GNG4: variants seen among roughly 807,000 people sequenced by gnomAD.
GNG4 encodes the protein guanine nucleotide-binding protein G(I)/G(S)/G(O) subunit gamma-4.
GNG4 carries 4 observed loss-of-function variants against 5.8 expected under a neutral mutation model. That is an observed-to-expected ratio of 0.69 (90% CI 0.34 to 1.57). GNG4 has a LOEUF of 1.57. GNG4 is among the 40% of genes most tolerant of loss of function. The pLI is 0.06. For synonymous variants in GNG4, 29 were observed against 32.9 expected (o/e 0.88, Z 0.41); for missense variants, 96 against 95.1 (o/e 1.01, Z -0.04).
At chr1:235,613,344 A>G (rs566877812) in intron 1 of GNG4, among the ~76,000 whole-genome samples, 2 of 152,306 alleles carry the variant, frequency 1.3e-5, no homozygotes, top group African/African-American at 4.8e-5. Context: ...TGGCTTCCCA[A>G]AGTTATCTGT....
At position 235,583,778 on chromosome 1, in the gene GNG4, C is replaced by A; in HGVS notation, c.61G>T (p.Glu21Ter). 1 of 1,613,766 alleles carries A rather than the reference C, an allele frequency of 6.2e-7. No individual in the cohort carries two copies. ...TSISQARKAV[E>*]QLKMEACMDR... is the part of the protein sequence containing the mutation. ...ATACAGGCTTCCATCTTTAGCTGCTCCACAGCTTTCCTGGCTTGGGAGATG... is the reference window on the plus strand; with the variant it reads ...ATACAGGCTTCCATCTTTAGCTGCTACACAGCTTTCCTGGCTTGGGAGATG... Residue 21 changes from glutamate (E) to a stop codon, truncating the protein, a stop_gained, in exon 3 of 4, where the codon GAG becomes TAG. Coordinates refer to ENST00000391854, the MANE Select transcript of GNG4 (RefSeq NM_001098722.2). LOFTEE classifies it high-confidence loss of function.
intron 1 of GNG4, among the ~76,000 whole-genome samples, chr1:235,601,112 C>T (rs1688248765): frequency 6.6e-6 from 1 of 152,222 alleles, no homozygotes; most frequent in South Asian, 2.1e-4. Flanking sequence ...TGCAGATGTA[C>T]TGATGGCTCC....
intron 2 of GNG4, among the ~76,000 whole-genome samples, chr1:235,586,773 G>A (rs1687768596): frequency 6.6e-6 from 1 of 152,168 alleles, no homozygotes; most frequent in African/African-American, 2.4e-5. Context: ...AGCTTCCTGA[G>A]GCCTCACCAG....
intron 1 of GNG4, among the ~76,000 whole-genome samples, chr1:235,632,851 G>A (rs1325328716): frequency 2.0e-5 from 3 of 152,160 alleles, no homozygotes; most frequent in African/African-American, 2.4e-5. Flanking sequence ...ACGTAGTCAC[G>A]TAGTTTTCAT....
chr1:235,567,519 A>G (rs1188975542), intron 3 of GNG4, among the ~76,000 whole-genome samples: 1 of 152,106 alleles, frequency 6.6e-6, no homozygotes, highest in Non-Finnish European at 1.5e-5. Context: ...TGTTTCTATG[A>G]ATTTGACTCC....
intron 1 of GNG4, among the ~76,000 whole-genome samples, chr1:235,643,428 AG>A (rs1322010310): frequency 6.6e-6 from 1 of 152,168 alleles, no homozygotes; most frequent in African/African-American, 2.4e-5. Context: ...GCACTAATCC[AG>A]GGTAGGTGGG....
At chr1:235,555,028 C>A (rs1417171867) in intron 3 of GNG4, among the ~76,000 whole-genome samples, 2 of 152,110 alleles carry the variant, frequency 1.3e-5, no homozygotes, top group African/African-American at 4.8e-5. Context: ...TTAGCTAATT[C>A]AGAGGATGCA....
chr1:235,619,441 G>A (rs1433030966), intron 1 of GNG4, among the ~76,000 whole-genome samples: 1 of 152,040 alleles, frequency 6.6e-6, no homozygotes, highest in African/African-American at 2.4e-5. Flanking sequence ...CTTCCTGGGA[G>A]ACATCTCTCA....
chr1:235,625,460 A>C (rs930582231), intron 1 of GNG4, among the ~76,000 whole-genome samples: 2 of 152,262 alleles, frequency 1.3e-5, no homozygotes. Flanking sequence ...CATAGTTTAC[A>C]ATAGGGCTCA....
At chr1:235,602,554 C>T (rs147200768) in intron 1 of GNG4, among the ~76,000 whole-genome samples, 14 of 152,282 alleles carry the variant, frequency 9.2e-5, no homozygotes, top group African/African-American at 1.7e-4. Context: ...TCTCACTAAC[C>T]GATACAGTAT....
chr1:235,619,109 C>T (rs1206117429), intron 1 of GNG4, among the ~76,000 whole-genome samples: 4 of 117,008 alleles, frequency 3.4e-5, no homozygotes, highest in African/African-American at 1.3e-4. Context: ...AGACCACCCT[C>T]GGCAACATTG....
chr1:235,574,120 C>T (rs1394607909), intron 3 of GNG4, among the ~76,000 whole-genome samples: 1 of 152,184 alleles, frequency 6.6e-6, no homozygotes, highest in Non-Finnish European at 1.5e-5. Context: ...TACCTAATCT[C>T]AGCACTTTGA....
chr1:235,616,301 A>T (rs1338449924), intron 1 of GNG4: 6 of 448,556 alleles, frequency 1.3e-5, no homozygotes, highest in Non-Finnish European at 2.6e-5. Context: ...GAAGGGCAGC[A>T]TCTCCATCCC....
In GNG4 at chr1:235,607,107, TTTTTTTTA is replaced by T; in HGVS notation, c.-122-11604_-122-11597del. Among the ~76,000 whole-genome samples the T allele has an allele frequency of 1.3e-5, 2 of 151,572 alleles. 1 individual carries two copies. Among genetic ancestry groups the T allele is most frequent in the Admixed American group, 1.3e-4 (2 of 15,194 alleles). ...GTGCGCACCACCACACCCAGCTAAT[TTTTTTTTA>T]TTTTTATTTTTAGTAGAAATGGGGT... On this transcript the variant is annotated intron_variant, in intron 1 of 3. Transcript: ENST00000391854.
chr1:235,579,260 T>C (rs1486913234), intron 3 of GNG4, among the ~76,000 whole-genome samples: 1 of 152,144 alleles, frequency 6.6e-6, no homozygotes, highest in East Asian at 1.9e-4. Flanking sequence ...AGAGAATACA[T>C]ACATTAAATG....
intron 1 of GNG4, among the ~76,000 whole-genome samples, chr1:235,635,500 G>T (rs567984743): frequency 1.1e-5 from 1 of 89,160 alleles, no homozygotes; most frequent in Admixed American, 1.1e-4. Flanking sequence ...CCATCTCGGC[G>T]GGGAAAAATG....
At chr1:235,570,945 C>CACACACAT (rs535079462) in intron 3 of GNG4, among the ~76,000 whole-genome samples, 40,278 of 114,452 alleles carry the variant, frequency 0.35, 8,048 homozygotes, top group East Asian at 0.7. Flanking sequence ...CACACACACA[C>CACACACAT]ATATATATAT....
chr1:235,626,072 T>C (rs1688802987), intron 1 of GNG4, among the ~76,000 whole-genome samples: 1 of 152,196 alleles, frequency 6.6e-6, no homozygotes, highest in African/African-American at 2.4e-5. Flanking sequence ...AGTGTCTGCT[T>C]CTGCAGATCC....
At chr1:235,557,483 G>GTTCT (rs1686948065) in intron 3 of GNG4, among the ~76,000 whole-genome samples, 1 of 151,968 alleles carries the variant, frequency 6.6e-6, no homozygotes, top group Admixed American at 6.6e-5. Flanking sequence ...GATGGACACA[G>GTTCT]CCACTGTGGT....
Sources: gnomAD v4.1 joint callset for allele counts (sites outside exome capture counted in the v4.1 genomes callset) on GRCh38, gnomAD v4.1.1 for gene constraint, MANE v1.5 for transcripts, NCBI Gene and HGNC (gene_info 2026-07-23, HGNC 2026-07-21) for gene names.